The following GRIK1 variants were observed in gnomAD, a reference collection of about 807,000 sequenced individuals.
GRIK1 encodes glutamate receptor ionotropic, kainate 1.
A neutral mutation model predicts 105.7 loss-of-function variants in GRIK1; 69 were observed. The observed-to-expected ratio is 0.65, with a 90% CI of 0.54 to 0.80. GRIK1 has a LOEUF of 0.80. GRIK1 is among the 30% of genes least tolerant of loss of function. GRIK1 has a pLI of 0.00. For missense variants in GRIK1, 1,109 were observed against 1,167.3 expected (o/e 0.95, Z 0.73); for synonymous variants, 438 against 431.3 (o/e 1.02, Z -0.19).
chr21:29,611,507 G>T (rs936510245), intron 7 of GRIK1, among the ~76,000 whole-genome samples: 2 of 152,168 alleles, frequency 1.3e-5, no homozygotes, highest in African/African-American at 4.8e-5. Flanking sequence ...TTGCATGAGA[G>T]TCGTGTTGAT....
intron 7 of GRIK1, among the ~76,000 whole-genome samples, chr21:29,631,359 A>T (rs796342335): frequency 4.6e-5 from 7 of 152,282 alleles, no homozygotes; most frequent in African/African-American, 1.7e-4. Flanking sequence ...TGGTGGGATG[A>T]GTGTCCTTGT....
At chr21:29,619,599 C>A (rs915632770) in intron 7 of GRIK1, among the ~76,000 whole-genome samples, 1 of 151,992 alleles carries the variant, frequency 6.6e-6, no homozygotes, top group East Asian at 1.9e-4. Flanking sequence ...CTTATGTAAC[C>A]AAATACCACC....
At chr21:29,692,705 G>A (rs1385482593) in intron 2 of GRIK1, among the ~76,000 whole-genome samples, 1 of 152,040 alleles carries the variant, frequency 6.6e-6, no homozygotes, top group African/African-American at 2.4e-5. Flanking sequence ...TGTGGTAGCT[G>A]GGACCACAGG....
intron 1 of GRIK1, among the ~76,000 whole-genome samples, chr21:29,779,494 GGTGTGTGTGT>G (rs3054349): frequency 4.7e-5 from 7 of 148,018 alleles, no homozygotes; most frequent in South Asian, 2.2e-4. Context: ...GCCCTTTTAT[GGTGTGTGTGT>G]GTGTGTGTGT....
chr21:29,872,984 G>T, intron 1 of GRIK1, among the ~76,000 whole-genome samples: 1 of 152,204 alleles, frequency 6.6e-6, no homozygotes, highest in South Asian at 2.1e-4. Flanking sequence ...AGATTGAGAC[G>T]AAAGTGGACA....
chr21:29,876,348 T>G (rs2069191238), intron 1 of GRIK1, among the ~76,000 whole-genome samples: 1 of 152,136 alleles, frequency 6.6e-6, no homozygotes, highest in Non-Finnish European at 1.5e-5. Flanking sequence ...TTCCCTTCTC[T>G]TTTTCTTTAC....
At chr21:29,711,210 CTG>C (rs1232093814) in intron 1 of GRIK1, among the ~76,000 whole-genome samples, 3 of 151,970 alleles carry the variant, frequency 2.0e-5, no homozygotes, top group East Asian at 1.9e-4. Context: ...CAATGATAGA[CTG>C]TATATATGAA....
intron 16 of GRIK1, chr21:29,553,826 A>G: frequency 1.5e-6 from 1 of 660,232 alleles, no homozygotes; most frequent in South Asian, 2.4e-5. Context: ...ACATTAAAGC[A>G]TCATATATAC....
chr21:29,888,201 C>CTTCCTT (rs1569191676), intron 1 of GRIK1, among the ~76,000 whole-genome samples: 1 of 57,344 alleles, frequency 1.7e-5, no homozygotes, highest in Non-Finnish European at 3.7e-5. Flanking sequence ...TTCTTTCTCT[C>CTTCCTT]TCTCTCTCTC....
intron 1 of GRIK1, among the ~76,000 whole-genome samples, chr21:29,874,442 T>C (rs2069123292): frequency 6.6e-6 from 1 of 152,190 alleles, no homozygotes; most frequent in South Asian, 2.1e-4. Context: ...CCATTCTTTG[T>C]CTCATACGTG....
chr21:29,573,810 C>T (rs1440395026), intron 14 of GRIK1, among the ~76,000 whole-genome samples: 2 of 150,418 alleles, frequency 1.3e-5, no homozygotes, highest in African/African-American at 2.5e-5. Context: ...GACTGCGCCA[C>T]TGCACTCCAC....
intron 1 of GRIK1, chr21:29,763,715 A>T (rs930413837): frequency 6.6e-6 from 1 of 152,254 alleles, no homozygotes; most frequent in African/African-American, 2.4e-5. Context: ...AAACTGGAAC[A>T]GGAGGGCATG....
At chr21:29,603,674 C>A (rs1056179727) in intron 7 of GRIK1, among the ~76,000 whole-genome samples, 6 of 152,122 alleles carry the variant, frequency 3.9e-5, no homozygotes, top group African/African-American at 1.4e-4. Flanking sequence ...CAAAGGCTGG[C>A]TTTGTGGATT....
In GRIK1 at chr21:29,938,949, C is replaced by T. The variant is rs118129168; in HGVS notation, c.118+434G>A. 1.7e-3 allele frequency among the ~76,000 whole-genome samples: 256 copies of T among 152,254 alleles called. 4 individuals are homozygous for T. The East Asian group carries it at 0.043, about 25-fold the overall frequency. Reference sequence around the variant, plus strand: ...CTGTATTGTATTCTTGAGATTCGTGCATACTTGCCAGTGCCCAGAGCCCAG... The same window carrying T: ...CTGTATTGTATTCTTGAGATTCGTGTATACTTGCCAGTGCCCAGAGCCCAG... On this transcript the variant is annotated intron_variant, in intron 1 of 17. Coordinates refer to ENST00000327783, the MANE Select transcript of GRIK1 (RefSeq NM_001330994.2).
intron 16 of GRIK1, among the ~76,000 whole-genome samples, chr21:29,548,350 A>G (rs2090078804): frequency 6.6e-6 from 1 of 152,212 alleles, no homozygotes; most frequent in Non-Finnish European, 1.5e-5. Context: ...TGATTTTCTT[A>G]GAAAAAGCAA....
In GRIK1 at chr21:29,677,029, A is replaced by T. The variant is rs77724813; in HGVS notation, c.545-3865T>A. ...GGTTATAACGAGAAAGGTCCTTCCT[A>T]GGAAATTCATGCTAATGTACTTATG... On this transcript the variant is annotated intron_variant, in intron 3 of 17. Coordinates refer to ENST00000327783, the MANE Select transcript of GRIK1 (RefSeq NM_001330994.2). Among the ~76,000 whole-genome samples the T allele has an allele frequency of 5.9e-3, 903 of 152,308 alleles. 13 individuals are homozygous for T. The highest frequency in any genetic ancestry group is 0.02 in the African/African-American group (848 of 41,558).
rs114490699 is a variant in GRIK1 at position 29,846,832 on chromosome 21, G to A, written c.118+92551C>T. The stretch of plus-strand genomic sequence containing the variant: ...ATTATTTTCTTGTGTTTTTTTGTTC[G>A]TTTGTTTCCTTCATTATAAAATTTT... On this transcript the variant is annotated intron_variant, in intron 1 of 17. Transcript: ENST00000327783. Among the ~76,000 whole-genome samples, 246 of 151,428 alleles carry A rather than the reference G, an allele frequency of 1.6e-3. 2 individuals are homozygous for A. Among genetic ancestry groups the A allele is most frequent in the South Asian group, 6.0e-3 (29 of 4,796 alleles).
chr21:29,863,920 C>T (rs1014781536), intron 1 of GRIK1, among the ~76,000 whole-genome samples: 9 of 152,152 alleles, frequency 5.9e-5, no homozygotes, highest in South Asian at 4.2e-4. Flanking sequence ...TTTATTAGTT[C>T]GGTTTTTTCC....
intron 1 of GRIK1, among the ~76,000 whole-genome samples, chr21:29,870,525 TATAAC>T (rs2068971727): frequency 6.6e-6 from 1 of 151,378 alleles, no homozygotes; most frequent in Non-Finnish European, 1.5e-5. Flanking sequence ...AAATAATACA[TATAAC>T]ATATTTTATT....
Sources: gnomAD v4.1 joint callset for allele counts (sites outside exome capture counted in the v4.1 genomes callset) on GRCh38, gnomAD v4.1.1 for gene constraint, MANE v1.5 for transcripts, NCBI Gene and HGNC (gene_info 2026-07-23, HGNC 2026-07-21) for gene names.